The following RNF145 variants were observed in gnomAD, a reference collection of about 807,000 sequenced individuals.
RNF145 encodes the protein ring finger protein 145.
Under a neutral mutation model 57.3 loss-of-function variants are expected in RNF145, and 12 were observed. The ratio of observed to expected loss-of-function variants is 0.21; its 90% CI spans 0.13 to 0.34. The LOEUF (loss-of-function observed/expected upper bound fraction) is 0.34. RNF145 is among the 10% of genes least tolerant of loss of function. RNF145 has a pLI of 1.00. For missense variants in RNF145, 429 were observed against 799.0 expected (o/e 0.54, Z 5.58); for synonymous variants, 262 against 288.3 (o/e 0.91, Z 0.92).
chr5:159,204,803 C>CAAA (rs1163143098), intron 1 of RNF145, among the ~76,000 whole-genome samples: 1 of 47,054 alleles, frequency 2.1e-5, no homozygotes, highest in Non-Finnish European at 4.6e-5. Context: ...GACTCCGTCT[C>CAAA]AAAAAAAAAA....
At chr5:159,201,074 T>A (rs367971750) in intron 2 of RNF145, among the ~76,000 whole-genome samples, 5 of 152,176 alleles carry the variant, frequency 3.3e-5, no homozygotes, top group African/African-American at 1.2e-4. Flanking sequence ...TATATATAAG[T>A]TAACCCTTGA....
At chr5:159,191,036 G>A (rs992820201) in intron 3 of RNF145, among the ~76,000 whole-genome samples, 8 of 137,800 alleles carry the variant, frequency 5.8e-5, no homozygotes, top group African/African-American at 2.2e-4. Flanking sequence ...GGAAGAAGAA[G>A]AACTGTCTTG....
At chr5:159,184,977 C>T (rs191836492) in intron 3 of RNF145, among the ~76,000 whole-genome samples, 6 of 152,216 alleles carry the variant, frequency 3.9e-5, no homozygotes, top group African/African-American at 1.2e-4. Context: ...AAGTGGTTTC[C>T]TCCCACTCGC....
Position 159,209,279 on chromosome 5 carries a change from G to A in RNF145, c.-88C>T. The stretch of plus-strand genomic sequence containing the variant: ...GGGGAGCGGCGCTGCCGGCGGGCGG[G>A]CTCCGCAACTCCCCGGCTCTCTCGC... On this transcript the variant is annotated 5_prime_UTR_variant, in exon 1 of 11. Coordinates refer to ENST00000424310, the MANE Select transcript of RNF145 (RefSeq NM_001199383.2). The A allele has an allele frequency of 1.0e-6, 1 of 985,370 alleles. No homozygotes were observed. The highest frequency in any genetic ancestry group is 1.2e-6 in the Non-Finnish European group (1 of 829,886). The allele number at this position is 985,370 out of a possible 1,614,324, so 61.0% of individuals were successfully genotyped here. A position where few individuals can be genotyped will look rare whatever the true frequency, so the allele number is the denominator to read the frequency against.
At chr5:159,177,632 T>C (rs17663721) in intron 4 of RNF145, among the ~76,000 whole-genome samples, 22,113 of 152,060 alleles carry the variant, frequency 0.15, 1,713 homozygotes, top group Non-Finnish European at 0.19. Context: ...CATCCTTGTA[T>C]AAACTACTTG....
At chr5:159,186,227 A>AAAAG (rs796249870) in intron 3 of RNF145, among the ~76,000 whole-genome samples, 5 of 152,118 alleles carry the variant, frequency 3.3e-5, no homozygotes, top group African/African-American at 7.2e-5. Flanking sequence ...CCTGTCTCAA[A>AAAAG]AAAGAAAGAA....
chr5:159,158,751 T>C lies in RNF145; in HGVS notation c.1911A>G (p.Pro637=), dbSNP rs964736610. 1.1e-5 allele frequency: 17 copies of C among 1,613,874 alleles called. No individual in the cohort carries two copies. The highest frequency in any genetic ancestry group is 1.3e-5 in the African/African-American group (1 of 74,936). ...GGTCAAAAGCCCCTTCCTGGTTATC[T>C]GGTCGTCTGGCAATGTACTCATTAT... ...RDNNEYIARR[P]DNQEGAFDPK... Residue 637 remains proline, a synonymous_variant, in exon 11 of 11, where the codon CCA becomes CCG. Transcript: ENST00000424310.
intron 5 of RNF145, among the ~76,000 whole-genome samples, chr5:159,175,238 C>G (rs537677473): frequency 6.6e-6 from 1 of 152,244 alleles, no homozygotes; most frequent in East Asian, 1.9e-4. Flanking sequence ...AAATTATTAT[C>G]AGGTAAACTC....
At chr5:159,170,740 G>C (rs1040783748) in intron 6 of RNF145, among the ~76,000 whole-genome samples, 8 of 152,192 alleles carry the variant, frequency 5.3e-5, no homozygotes, top group Non-Finnish European at 1.2e-4. Flanking sequence ...GACCGTAAGA[G>C]CGTGCCACTG....
At chr5:159,188,614 A>AAG (rs1785173144) in intron 3 of RNF145, among the ~76,000 whole-genome samples, 1 of 152,192 alleles carries the variant, frequency 6.6e-6, no homozygotes, top group East Asian at 1.9e-4. Flanking sequence ...AACGCCAAGG[A>AAG]AGAGTTTAGT....
At chr5:159,194,397 C>G (rs1297836737) in intron 3 of RNF145, among the ~76,000 whole-genome samples, 1 of 152,140 alleles carries the variant, frequency 6.6e-6, no homozygotes, top group Non-Finnish European at 1.5e-5. Flanking sequence ...GTCCCGAACT[C>G]CTGACCTGAG....
At chr5:159,181,810 A>C (rs1784903487) in intron 4 of RNF145, 150 bp downstream of exon 4, 1 of 529,998 alleles carries the variant, frequency 1.9e-6, no homozygotes, top group Admixed American at 3.2e-5. Context: ...TAAAAAAAAA[A>C]AACCACCAAA....
intron 9 of RNF145, 89 bp from the exon 10 acceptor site, chr5:159,161,711 G>T: frequency 1.3e-6 from 1 of 746,154 alleles, no homozygotes; most frequent in Non-Finnish European, 2.2e-6. Flanking sequence ...CATTCCTGAT[G>T]TTTTTAGGGT....
chr5:159,158,827 G>A lies in RNF145; in HGVS notation c.1835C>T (p.Pro612Leu), dbSNP rs1332943382. The A allele has an allele frequency of 6.2e-7, 1 of 1,613,904 alleles. No homozygotes were observed. The highest frequency in any genetic ancestry group is 1.3e-5 in the African/African-American group (1 of 75,004). Residue 612 changes from proline (P) to leucine (L), a missense_variant, in exon 11 of 11, where the codon CCA becomes CTA. Pro to Leu is a moderately conservative substitution (Grantham distance 98, BLOSUM62 -3). Transcript: ENST00000424310. ...NVMFQEGTEP[P>L]GQEHTPGTRI... is the part of the protein sequence containing the mutation. ...GGTCCCTGGAGTATGCTCCTGGCCT[G>A]GGGGTTCAGTACCTTCCTGAAACAT... is the stretch of plus-strand genomic sequence containing the variant.
intron 3 of RNF145, among the ~76,000 whole-genome samples, chr5:159,188,414 C>A (rs993269127): frequency 1.3e-5 from 2 of 151,474 alleles, no homozygotes; most frequent in African/African-American, 2.4e-5. Context: ...AAAAGAAATA[C>A]TGGAGTTTAG....
At chr5:159,189,982 A>C (rs562355590) in intron 3 of RNF145, among the ~76,000 whole-genome samples, 1 of 152,340 alleles carries the variant, frequency 6.6e-6, no homozygotes, top group South Asian at 2.1e-4. Flanking sequence ...AATCTAAAAT[A>C]AATTTTGATG....
chr5:159,197,847 C>T, intron 2 of RNF145, among the ~76,000 whole-genome samples: 1 of 152,142 alleles, frequency 6.6e-6, no homozygotes, highest in East Asian at 1.9e-4. Context: ...ATCCCAGCTA[C>T]TCGGGAGGCT....
intron 2 of RNF145, among the ~76,000 whole-genome samples, chr5:159,200,680 A>G (rs903573751): frequency 1.3e-5 from 2 of 152,226 alleles, no homozygotes; most frequent in African/African-American, 4.8e-5. Context: ...AAAAAATCAT[A>G]AGCAAAATCA....
intron 3 of RNF145, among the ~76,000 whole-genome samples, chr5:159,189,445 C>T: frequency 6.6e-6 from 1 of 152,128 alleles, no homozygotes; most frequent in East Asian, 1.9e-4. Context: ...CTAAAAAGGA[C>T]AACAATGGAT....
Sources: gnomAD v4.1 joint callset for allele counts (sites outside exome capture counted in the v4.1 genomes callset) on GRCh38, gnomAD v4.1.1 for gene constraint, MANE v1.5 for transcripts, NCBI Gene and HGNC (gene_info 2026-07-23, HGNC 2026-07-21) for gene names.